Variants in ZNF804B observed in about 807,000 individuals in gnomAD.
ZNF804B encodes zinc finger protein 804B.
A neutral mutation model predicts 101.4 loss-of-function variants in ZNF804B; 80 were observed. The observed-to-expected ratio is 0.79, with a 90% CI of 0.66 to 0.95. ZNF804B has a LOEUF of 0.95. Ranked by LOEUF, ZNF804B falls within the 40% of genes least tolerant of loss-of-function variation. The probability of loss-of-function intolerance (pLI) is 0.00; values close to 1 mark genes in which losing one functional copy is unlikely to be tolerated. For missense variants in ZNF804B, 1,673 were observed against 1,561.9 expected (o/e 1.07, Z -1.20); for synonymous variants, 622 against 558.8 (o/e 1.11, Z -1.59).
At chr7:89,179,477 G>T (rs1788263700) in intron 1 of ZNF804B, among the ~76,000 whole-genome samples, 1 of 151,906 alleles carries the variant, frequency 6.6e-6, no homozygotes, top group African/African-American at 2.4e-5. Context: ...TCCAGAATTT[G>T]GTTGATTTTT....
intron 1 of ZNF804B, among the ~76,000 whole-genome samples, chr7:89,110,614 A>G (rs1455559551): frequency 6.6e-6 from 1 of 152,210 alleles, no homozygotes; most frequent in Non-Finnish European, 1.5e-5. Flanking sequence ...AGGGTTCTAT[A>G]TGCTTTCTTA....
chr7:88,781,914 G>T (rs903401100), intron 1 of ZNF804B, among the ~76,000 whole-genome samples: 2 of 152,166 alleles, frequency 1.3e-5, no homozygotes, highest in Non-Finnish European at 2.9e-5. Context: ...GGACTCAGGG[G>T]TAGAAAATGT....
At chr7:88,780,613 C>T (rs1386278461) in intron 1 of ZNF804B, among the ~76,000 whole-genome samples, 1 of 151,878 alleles carries the variant, frequency 6.6e-6, no homozygotes, top group Admixed American at 6.6e-5. Context: ...TCTCAAACAC[C>T]TGGGCTCAAG....
chr7:89,131,268 G>T (rs1299421892), intron 1 of ZNF804B, among the ~76,000 whole-genome samples: 2 of 152,020 alleles, frequency 1.3e-5, no homozygotes, highest in African/African-American at 4.8e-5. Context: ...ACTATGGGAA[G>T]TCTCCCAGTA....
chr7:88,784,255 C>G (rs1790267911), intron 1 of ZNF804B, among the ~76,000 whole-genome samples: 1 of 152,120 alleles, frequency 6.6e-6, no homozygotes, highest in East Asian at 1.9e-4. Flanking sequence ...TGTATTAACC[C>G]AAGGCTTGAG....
At chr7:89,144,201 C>G (rs1790756408) in intron 1 of ZNF804B, among the ~76,000 whole-genome samples, 2 of 151,824 alleles carry the variant, frequency 1.3e-5, no homozygotes, top group African/African-American at 4.8e-5. Context: ...AACTTAATCC[C>G]CTCTTTATAT....
At chr7:88,864,228 GT>G (rs1243056462) in intron 1 of ZNF804B, among the ~76,000 whole-genome samples, 1 of 152,126 alleles carries the variant, frequency 6.6e-6, no homozygotes, top group Non-Finnish European at 1.5e-5. Context: ...TCAGTTACAT[GT>G]TTCAAATGCC....
chr7:89,335,007 A>G lies in ZNF804B; in HGVS notation c.2025A>G (p.Val675=). 1.9e-6 allele frequency: 3 copies of G among 1,613,880 alleles called. No homozygotes were observed. Among genetic ancestry groups the G allele is most frequent in the Non-Finnish European group, 2.5e-6 (3 of 1,179,898 alleles). Residue 675 remains valine (V), a synonymous_variant, in exon 4 of 4, where the codon GTA becomes GTG. Coordinates refer to ENST00000333190, the MANE Select transcript of ZNF804B (RefSeq NM_181646.5). ...GHSDHGKDFS[V]ILKSNHISMT... Reference sequence around the variant, plus strand: ...GTGACCATGGGAAAGACTTCAGTGTAATTTTGAAGAGTAACCACATCAGCA... The same window carrying G: ...GTGACCATGGGAAAGACTTCAGTGTGATTTTGAAGAGTAACCACATCAGCA...
intron 2 of ZNF804B, among the ~76,000 whole-genome samples, chr7:89,232,612 C>G (rs1789209407): frequency 6.6e-6 from 1 of 152,058 alleles, no homozygotes; most frequent in Non-Finnish European, 1.5e-5. Flanking sequence ...CAATTTCTGT[C>G]TTTGTGTAGG....
intron 1 of ZNF804B, among the ~76,000 whole-genome samples, chr7:89,169,958 G>T (rs923869839): frequency 6.6e-6 from 1 of 152,150 alleles, no homozygotes; most frequent in Non-Finnish European, 1.5e-5. Context: ...GTTATTTAGT[G>T]ATAAGTTAAG....
At chr7:89,095,645 C>T (rs1789961163) in intron 1 of ZNF804B, among the ~76,000 whole-genome samples, 1 of 152,132 alleles carries the variant, frequency 6.6e-6, no homozygotes, top group Non-Finnish European at 1.5e-5. Flanking sequence ...AGGAAAAACT[C>T]TGTTACTAGT....
chr7:89,084,199 T>A (rs1346600415), intron 1 of ZNF804B, among the ~76,000 whole-genome samples: 3 of 151,932 alleles, frequency 2.0e-5, no homozygotes, highest in African/African-American at 7.2e-5. Flanking sequence ...AGTATGATTC[T>A]AGGAGATTTG....
intron 1 of ZNF804B, among the ~76,000 whole-genome samples, chr7:89,033,575 C>T (rs1562866070): frequency 6.6e-6 from 1 of 151,902 alleles, no homozygotes; most frequent in South Asian, 2.1e-4. Flanking sequence ...TAAATTCCCG[C>T]CAACAGTGTA....
At position 89,336,550 on chromosome 7, in the gene ZNF804B, T is replaced by C. The variant is rs759161156; in HGVS notation, c.3568T>C (p.Ser1190Pro). The change falls in exon 4 of 4, where the codon TCT becomes CCT. Residue 1190 changes from serine to proline, a missense_variant. Physicochemically the swap from Ser to Pro is moderately conservative, Grantham distance 74. Transcript: ENST00000333190. ...GCCTGCTGCAGGGCCTACTGCCTTC[T>C]CTCCGGCCTCAACCGTACAGACAGT... The part of the protein sequence containing the change: ...VLPAAGPTAF[S>P]PASTVQTVPV... The C allele has an allele frequency of 1.2e-6, 2 of 1,613,974 alleles. No individual in the cohort carries two copies. Among genetic ancestry groups the C allele is most frequent in the Non-Finnish European group, 1.7e-6 (2 of 1,180,024 alleles).
chr7:89,126,070 T>C (rs1790470878), intron 1 of ZNF804B, among the ~76,000 whole-genome samples: 1 of 151,808 alleles, frequency 6.6e-6, no homozygotes, highest in South Asian at 2.1e-4. Flanking sequence ...CTGATTTGAG[T>C]TTCTGGCAAA....
intron 1 of ZNF804B, among the ~76,000 whole-genome samples, chr7:89,049,635 G>C (rs922484395): frequency 2.0e-5 from 3 of 151,804 alleles, no homozygotes; most frequent in Non-Finnish European, 4.4e-5. Flanking sequence ...TTACTATGAA[G>C]TTTCAAGTGA....
intron 2 of ZNF804B, among the ~76,000 whole-genome samples, chr7:89,242,786 T>G (rs1017853784): frequency 6.6e-6 from 1 of 151,922 alleles, no homozygotes; most frequent in Non-Finnish European, 1.5e-5. Flanking sequence ...TGTCATAATT[T>G]ATCACCTAAT....
At chr7:89,262,032 T>C (rs1171178427) in intron 2 of ZNF804B, among the ~76,000 whole-genome samples, 1 of 152,198 alleles carries the variant, frequency 6.6e-6, no homozygotes, top group African/African-American at 2.4e-5. Context: ...AGAACTTACG[T>C]ACTCTACCTT....
chr7:89,215,141 G>A (rs1437012951), intron 1 of ZNF804B, among the ~76,000 whole-genome samples: 1 of 152,152 alleles, frequency 6.6e-6, no homozygotes, highest in Non-Finnish European at 1.5e-5. Context: ...TAGCACCTTA[G>A]AGGTAAGAAA....
Sources: allele counts gnomAD v4.1 joint callset (sites outside exome capture counted in the v4.1 genomes callset), GRCh38; gene constraint gnomAD v4.1.1; transcripts MANE v1.5; gene names NCBI Gene and HGNC (gene_info 2026-07-23, HGNC 2026-07-21).